Variants in USP15 observed in about 807,000 individuals in gnomAD.
USP15 encodes the protein ubiquitin carboxyl-terminal hydrolase 15.
Under a neutral mutation model 127.1 loss-of-function variants are expected in USP15, and 18 were observed. The ratio of observed to expected loss-of-function variants is 0.14; its 90% CI spans 0.10 to 0.21. The LOEUF is 0.21. Ranked by LOEUF, USP15 falls within the 10% of genes least tolerant of loss-of-function variation. The pLI, the probability that USP15 is intolerant of heterozygous loss-of-function variation, is 1.00. For missense variants in USP15, 805 were observed against 1,159.9 expected (o/e 0.69, Z 4.44); for synonymous variants, 364 against 393.7 (o/e 0.92, Z 0.89).
intron 1 of USP15, among the ~76,000 whole-genome samples, chr12:62,278,895 A>G (rs1405540915): frequency 2.0e-5 from 3 of 152,200 alleles, no homozygotes; most frequent in Non-Finnish European, 4.4e-5. Flanking sequence ...GAATCATCGT[A>G]TGGATATTAG....
intron 2 of USP15, among the ~76,000 whole-genome samples, chr12:62,296,828 C>G (rs1025552129): frequency 4.6e-5 from 7 of 152,216 alleles, no homozygotes; most frequent in African/African-American, 1.7e-4. Context: ...AGATCAGGAC[C>G]TCTCCCTTGG....
chr12:62,266,384 A>G (rs2063192808), intron 1 of USP15, among the ~76,000 whole-genome samples: 1 of 152,192 alleles, frequency 6.6e-6, no homozygotes, highest in South Asian at 2.1e-4. Flanking sequence ...CAGCACAGAA[A>G]ATGCAAATAT....
At chr12:62,355,309 A>G in intron 7 of USP15, 22 bp from the exon 8 acceptor site, 1 of 1,570,928 alleles carries the variant, frequency 6.4e-7, no homozygotes, top group African/African-American at 1.4e-5. Context: ...TGGCTGCATT[A>G]TGAAAATTTT....
intron 8 of USP15, among the ~76,000 whole-genome samples, chr12:62,364,443 C>T (rs1000351769): frequency 6.6e-6 from 1 of 152,072 alleles, no homozygotes; most frequent in Non-Finnish European, 1.5e-5. Context: ...TGCCTAGATT[C>T]ATCTAGAGTT....
chr12:62,287,195 G>T (rs572134409), intron 1 of USP15, among the ~76,000 whole-genome samples: 51 of 152,048 alleles, frequency 3.4e-4, no homozygotes, highest in Non-Finnish European at 7.1e-4. Flanking sequence ...GGGAGTAGCG[G>T]TTGGAAAAAA....
chr12:62,387,453 A>C (rs1464048086), intron 11 of USP15, among the ~76,000 whole-genome samples: 1 of 152,194 alleles, frequency 6.6e-6, no homozygotes, highest in Non-Finnish European at 1.5e-5. Flanking sequence ...CAACACTCTA[A>C]AGAACAATGT....
At chr12:62,335,215 T>A (rs912157027) in intron 6 of USP15, 1 of 1,535,358 alleles carries the variant, frequency 6.5e-7, no homozygotes, top group African/African-American at 1.4e-5. Flanking sequence ...TCCACATACG[T>A]CACAGAAAGA....
At chr12:62,366,981 T>C (rs2066498059) in intron 8 of USP15, among the ~76,000 whole-genome samples, 2 of 152,172 alleles carry the variant, frequency 1.3e-5, no homozygotes, top group African/African-American at 4.8e-5. Context: ...TTCACGTCGA[T>C]GTTCATCAGG....
At chr12:62,265,390 A>G (rs2063168271) in intron 1 of USP15, among the ~76,000 whole-genome samples, 1 of 152,162 alleles carries the variant, frequency 6.6e-6, no homozygotes, top group Non-Finnish European at 1.5e-5. Flanking sequence ...CCATATTACC[A>G]CAATTCTGGG....
intron 6 of USP15, among the ~76,000 whole-genome samples, chr12:62,330,783 A>AGTTATGGTG (rs2065270763): frequency 6.6e-6 from 1 of 150,808 alleles, no homozygotes; most frequent in Admixed American, 6.6e-5. Flanking sequence ...AAAATTAGCC[A>AGTTATGGTG]GTTATGGTGG....
chr12:62,293,668 C>G, intron 1 of USP15, among the ~76,000 whole-genome samples: 1 of 152,086 alleles, frequency 6.6e-6, no homozygotes, highest in African/African-American at 2.4e-5. Flanking sequence ...AATTTTGGTT[C>G]TTTTTTCTGA....
intron 15 of USP15, 75 bp downstream of exon 15, chr12:62,391,054 A>G: frequency 6.6e-7 from 1 of 1,521,366 alleles, no homozygotes; most frequent in African/African-American, 1.4e-5. Context: ...AGAAAATGGG[A>G]ATTAAAGAAC....
intron 6 of USP15, among the ~76,000 whole-genome samples, chr12:62,337,779 G>T (rs565751505): frequency 6.6e-6 from 1 of 152,160 alleles, no homozygotes; most frequent in South Asian, 2.1e-4. Context: ...ATGGTTTCCA[G>T]CTTCACCCAT....
At chr12:62,295,263 G>C (rs1232764936) in intron 2 of USP15, among the ~76,000 whole-genome samples, 1 of 152,182 alleles carries the variant, frequency 6.6e-6, no homozygotes. Context: ...ATATAGGATT[G>C]GGAATCGTTT....
rs148989191 is a variant in USP15, at chr12:62,333,774, G to A, written c.683+7841G>A. ...AAAGGGAACTGCAGTATGGAGTACTGAGAACTGCAGGTATGGAGTCATATT... is the reference window on the plus strand; with the variant it reads ...AAAGGGAACTGCAGTATGGAGTACTAAGAACTGCAGGTATGGAGTCATATT... On this transcript the variant is annotated intron_variant, in intron 6 of 21. Transcript: ENST00000280377. Among the ~76,000 whole-genome samples, 628 of 152,202 alleles carry A rather than the reference G, an allele frequency of 4.1e-3. 5 individuals carry two copies. The highest frequency in any genetic ancestry group is 5.6e-3 in the Non-Finnish European group (383 of 68,010).
At chr12:62,321,885 A>C in intron 5 of USP15, among the ~76,000 whole-genome samples, 1 of 152,220 alleles carries the variant, frequency 6.6e-6, no homozygotes, top group East Asian at 1.9e-4. Flanking sequence ...TGAAAGACCA[A>C]ATAGTAAACA....
At position 62,412,492 on chromosome 12, in the gene USP15, G is replaced by T. The variant is rs2068062281; in HGVS notation, c.*8117G>T. ...TCTTTCCGAACTTCTTTCACAATTG[G>T]AGTTAATCTTCTAAAGCCCCGCCAC... On this transcript the variant is annotated 3_prime_UTR_variant, in exon 22 of 22. Transcript: ENST00000280377. 6.4e-6 allele frequency: 1 copy of T among 155,800 alleles called. No individual in the cohort carries two copies. The highest frequency in any genetic ancestry group is 2.4e-5 in the African/African-American group (1 of 41,490). The allele number at this position is 155,800 out of a possible 1,614,324, so 9.7% of individuals were successfully genotyped here.
intron 6 of USP15, among the ~76,000 whole-genome samples, chr12:62,346,054 C>CTAACG (rs1393459741): frequency 6.6e-6 from 1 of 152,082 alleles, no homozygotes; most frequent in Non-Finnish European, 1.5e-5. Context: ...TAGTCGTTTC[C>CTAACG]TAACGTAAAA....
chr12:62,269,168 C>T (rs2063278186), intron 1 of USP15, among the ~76,000 whole-genome samples: 1 of 151,930 alleles, frequency 6.6e-6, no homozygotes, highest in Admixed American at 6.6e-5. Flanking sequence ...GCAATTTTGT[C>T]GTTGTGTGAA....
Sources: allele counts gnomAD v4.1 joint callset (sites outside exome capture counted in the v4.1 genomes callset), GRCh38; gene constraint gnomAD v4.1.1; transcripts MANE v1.5; gene names NCBI Gene and HGNC (gene_info 2026-07-23, HGNC 2026-07-21).